The following PRDM16 variants were observed in gnomAD, a reference collection of about 807,000 sequenced individuals.
PRDM16 encodes the protein histone-lysine N-methyltransferase PRDM16.
A neutral mutation model predicts 110.6 loss-of-function variants in PRDM16; 23 were observed. The ratio of observed to expected loss-of-function variants is 0.21; its 90% confidence interval spans 0.15 to 0.29. The LOEUF (loss-of-function observed/expected upper bound fraction) is 0.29. Ranked by LOEUF, PRDM16 falls within the 10% of genes least tolerant of loss-of-function variation. The pLI, the probability that PRDM16 is intolerant of heterozygous loss-of-function variation, is 1.00. For synonymous variants in PRDM16, 799 were observed against 781.8 expected, an observed-to-expected ratio of 1.02 and a Z score of -0.37; for missense variants, 1,615 against 1,794.3, an observed-to-expected ratio of 0.90 and a Z score of 1.81.
At chr1:3,106,398 G>T (rs1293728964) in intron 1 of PRDM16, among the ~76,000 whole-genome samples, 1 of 152,190 alleles carries the variant, frequency 6.6e-6, no homozygotes, top group African/African-American at 2.4e-5. Flanking sequence ...CTGGGTGGTG[G>T]CCCCACTGGG....
At position 3,396,506 on chromosome 1, in the gene PRDM16, A is replaced by G; in HGVS notation, c.589A>G (p.Ile197Val). 3.1e-6 allele frequency: 5 copies of G among 1,594,864 alleles called. No homozygotes were observed. The highest frequency in any genetic ancestry group is 1.1e-5 in the South Asian group (1 of 88,500). Residue 197 changes from isoleucine (I) to valine (V), a missense_variant, in exon 5 of 17, where the codon ATT becomes GTT. Ile to Val is a conservative substitution (Grantham distance 29). Around this residue, in one of 5 missense-constraint regions of PRDM16, gnomAD observed 416 missense variants for 467.1 expected, o/e 0.89. Coordinates refer to ENST00000270722, the MANE Select transcript of PRDM16 (RefSeq NM_022114.4). ...QISEQIYYKV[I>V]KDIEPGEELL... ...TCCATCCTAGATTTACTATAAAGTC[A>G]TTAAGGACATTGAGCCAGGTGAGGA...
intron 3 of PRDM16, among the ~76,000 whole-genome samples, chr1:3,264,023 G>GC (rs1268882098): frequency 2.6e-5 from 4 of 152,174 alleles, no homozygotes; most frequent in African/African-American, 9.7e-5. Flanking sequence ...GTGCAGCTGA[G>GC]CAGACTCCTG....
At chr1:3,351,902 C>T (rs995534814) in intron 3 of PRDM16, among the ~76,000 whole-genome samples, 1 of 151,396 alleles carries the variant, frequency 6.6e-6, no homozygotes, top group Non-Finnish European at 1.5e-5. Flanking sequence ...GAAGGGAGAG[C>T]TGGGGGCGGG....
intron 3 of PRDM16, among the ~76,000 whole-genome samples, chr1:3,322,323 G>T (rs1246110166): frequency 6.6e-6 from 1 of 152,144 alleles, no homozygotes; most frequent in East Asian, 1.9e-4. Flanking sequence ...GAATAAACGG[G>T]CTGTTGATTG....
intron 2 of PRDM16, among the ~76,000 whole-genome samples, chr1:3,202,797 C>T (rs1194945409): frequency 1.3e-5 from 2 of 152,194 alleles, no homozygotes; most frequent in Admixed American, 6.5e-5. Flanking sequence ...AGACCTTGAG[C>T]AAGCCATCGT....
At chr1:3,147,060 T>G (rs1643684462) in intron 1 of PRDM16, among the ~76,000 whole-genome samples, 1 of 130,306 alleles carries the variant, frequency 7.7e-6, no homozygotes, top group African/African-American at 3.3e-5. Flanking sequence ...ACGTGTGTGC[T>G]CAGTGTGGGG....
At chr1:3,185,984 C>G (rs536591671) in intron 1 of PRDM16, 141 bp from the exon 2 acceptor site, 2 of 675,032 alleles carry the variant, frequency 3.0e-6, no homozygotes, top group Non-Finnish European at 5.2e-6. Context: ...CAGCGTCTCC[C>G]GGGCAGGGGT....
At chr1:3,413,347 C>T (rs1448143993) in intron 9 of PRDM16, among the ~76,000 whole-genome samples, 1 of 151,902 alleles carries the variant, frequency 6.6e-6, no homozygotes. Flanking sequence ...AGCCAGTGGT[C>T]CTTGGAGGGG....
chr1:3,401,323 G>A (rs6424075), intron 5 of PRDM16, among the ~76,000 whole-genome samples: 4 of 152,096 alleles, frequency 2.6e-5, no homozygotes, highest in East Asian at 1.9e-4. Flanking sequence ...CCCCGTCTCC[G>A]CGGCAATCCT....
At position 3,412,082 on chromosome 1, in the gene PRDM16, G is replaced by C; in HGVS notation, c.1885G>C (p.Val629Leu). The change falls in exon 9 of 17, where the codon GTG becomes CTG. Residue 629 changes from valine (V) to leucine (L), a missense_variant. Transcript: ENST00000270722. ...GACGGGCTCGGACCTGGACAGCGACGTGGACAGCGACCCTGACAAGGACAA... is the reference window on the plus strand; with the variant it reads ...GACGGGCTCGGACCTGGACAGCGACCTGGACAGCGACCCTGACAAGGACAA... ...TGTGSDLDSD[V>L]DSDPDKDKGK... is the part of the protein sequence containing the mutation. 6.3e-7 allele frequency: 1 copy of C among 1,595,168 alleles called. No individual in the cohort carries two copies. The highest frequency in any genetic ancestry group is 8.6e-7 in the Non-Finnish European group (1 of 1,168,762).
At chr1:3,223,578 C>T (rs1639222566) in intron 2 of PRDM16, among the ~76,000 whole-genome samples, 1 of 152,186 alleles carries the variant, frequency 6.6e-6, no homozygotes, top group Non-Finnish European at 1.5e-5. Context: ...CTTGGATTTT[C>T]TTTTTCTTGA....
At chr1:3,310,305 C>T (rs1000802523) in intron 3 of PRDM16, among the ~76,000 whole-genome samples, 2 of 152,168 alleles carry the variant, frequency 1.3e-5, no homozygotes, top group Admixed American at 1.3e-4. Flanking sequence ...ACACCTTTCC[C>T]CTCCCTCAGC....
chr1:3,247,588 A>C (rs1250844289), intron 3 of PRDM16, among the ~76,000 whole-genome samples: 2 of 152,142 alleles, frequency 1.3e-5, no homozygotes, highest in Admixed American at 6.5e-5. Context: ...GCGCCCCTTC[A>C]GCTTCGCCCT....
intron 3 of PRDM16, among the ~76,000 whole-genome samples, chr1:3,252,552 G>C (rs1183030968): frequency 6.6e-6 from 1 of 152,174 alleles, no homozygotes; most frequent in African/African-American, 2.4e-5. Flanking sequence ...GTGGAAGGTG[G>C]TATCTCCCCA....
chr1:3,324,189 G>A (rs1221353276), intron 3 of PRDM16, among the ~76,000 whole-genome samples: 2 of 152,038 alleles, frequency 1.3e-5, no homozygotes, highest in Non-Finnish European at 2.9e-5. Context: ...TCTCTCCCCA[G>A]CCACTCTACA....
chr1:3,380,763 C>A (rs529043022), intron 3 of PRDM16, among the ~76,000 whole-genome samples: 1 of 152,196 alleles, frequency 6.6e-6, no homozygotes, highest in Non-Finnish European at 1.5e-5. Flanking sequence ...GCTTATTCTG[C>A]AAGGTGAGGG....
chr1:3,432,534 G>A (rs1016394473), intron 16 of PRDM16, among the ~76,000 whole-genome samples: 3 of 152,182 alleles, frequency 2.0e-5, no homozygotes, highest in Non-Finnish European at 2.9e-5. Context: ...CTGTCCAGCC[G>A]GGCAGTCTCT....
Position 3,434,793 on chromosome 1 carries a change from T to C in PRDM16, c.*982T>C, listed in dbSNP as rs1638863299. 3 of 232,282 alleles carry C rather than the reference T, an allele frequency of 1.3e-5. No homozygotes were observed. The highest frequency in any genetic ancestry group is 6.6e-5 in the African/African-American group (3 of 45,290). 14.4% of individuals were successfully genotyped at this position (232,282 alleles called of 1,614,324 possible). A position where few individuals can be genotyped will look rare whatever the true frequency, so the allele number is the denominator to read the frequency against. On this transcript the variant is annotated 3_prime_UTR_variant, in exon 17 of 17. Coordinates refer to ENST00000270722, the MANE Select transcript of PRDM16 (RefSeq NM_022114.4). Reference sequence around the variant, plus strand: ...GCACCCATCTTCCTTCCCTCCTCTGTCCCTGCCTCGGCCACCCCACGCGGG... The same window carrying C: ...GCACCCATCTTCCTTCCCTCCTCTGCCCCTGCCTCGGCCACCCCACGCGGG...
At chr1:3,357,841 C>A (rs1642639186) in intron 3 of PRDM16, among the ~76,000 whole-genome samples, 1 of 152,212 alleles carries the variant, frequency 6.6e-6, no homozygotes, top group African/African-American at 2.4e-5. Context: ...GAGCCCTGCC[C>A]CACATCCTGC....
Sources: allele counts gnomAD v4.1 joint callset (sites outside exome capture counted in the v4.1 genomes callset), GRCh38; gene constraint gnomAD v4.1.1; regional missense constraint gnomAD v4.1.1; transcripts MANE v1.5; gene names NCBI Gene and HGNC (gene_info 2026-07-23, HGNC 2026-07-21).